Variants in FOXP1 observed in about 807,000 individuals in gnomAD.
FOXP1 encodes forkhead box P1.
Under a neutral mutation model 98.2 loss-of-function variants are expected in FOXP1, and 15 were observed. That is an observed-to-expected ratio of 0.15 (90% CI 0.10 to 0.24). FOXP1 has a LOEUF of 0.24. Among genes scored for constraint, FOXP1 ranks in the 10% least tolerant of loss-of-function variants. The probability of loss-of-function intolerance (pLI) is 1.00; values close to 1 mark genes in which losing one functional copy is unlikely to be tolerated. For synonymous variants in FOXP1, 371 were observed against 314.5 expected (o/e 1.18, Z -1.90); for missense variants, 633 against 848.5 (o/e 0.75, Z 3.15).
intron 6 of FOXP1, among the ~76,000 whole-genome samples, chr3:71,122,019 T>C (rs1052273415): frequency 1.3e-5 from 2 of 152,212 alleles, no homozygotes; most frequent in Admixed American, 6.5e-5. Flanking sequence ...TTCACATCTT[T>C]TCATACCTCA....
intron 5 of FOXP1, among the ~76,000 whole-genome samples, chr3:71,261,182 C>T (rs550117712): frequency 2.0e-5 from 3 of 152,266 alleles, no homozygotes; most frequent in African/African-American, 7.2e-5. Flanking sequence ...TCTCGCAAAG[C>T]TGTCGGATAT....
intron 6 of FOXP1, among the ~76,000 whole-genome samples, chr3:71,148,263 G>C (rs1260022084): frequency 6.6e-6 from 1 of 152,130 alleles, no homozygotes; most frequent in East Asian, 1.9e-4. Flanking sequence ...TGTAATCCCA[G>C]ATACTCAGGA....
intron 12 of FOXP1, among the ~76,000 whole-genome samples, chr3:71,004,223 A>G (rs1316213743): frequency 1.3e-5 from 2 of 152,118 alleles, no homozygotes; most frequent in Non-Finnish European, 2.9e-5. Flanking sequence ...CACGGCTACC[A>G]TACACTGGAT....
intron 3 of FOXP1, among the ~76,000 whole-genome samples, chr3:71,422,895 C>G (rs941695911): frequency 2.6e-5 from 4 of 152,116 alleles, no homozygotes; most frequent in Non-Finnish European, 5.9e-5. Flanking sequence ...CTCACACACC[C>G]CTTCTTTCAT....
At chr3:71,165,746 C>A (rs1344693038) in intron 6 of FOXP1, among the ~76,000 whole-genome samples, 2 of 152,128 alleles carry the variant, frequency 1.3e-5, no homozygotes, top group Non-Finnish European at 2.9e-5. Flanking sequence ...ATCACCCACC[C>A]AGAGGCATCC....
intron 3 of FOXP1, among the ~76,000 whole-genome samples, chr3:71,429,658 T>A (rs1211895914): frequency 6.6e-6 from 1 of 152,138 alleles, no homozygotes; most frequent in Admixed American, 6.5e-5. Flanking sequence ...AAAAACAGAA[T>A]TAACATGTTC....
In FOXP1 at chr3:70,958,205, AAAAAG is replaced by A. The variant is rs549654259; in HGVS notation, c.*1037_*1041del. 1,495 of 441,332 alleles carry A rather than the reference AAAAAG, an allele frequency of 3.4e-3. 13 individuals carry two copies. Among genetic ancestry groups the A allele is most frequent in the South Asian group, 0.018 (846 of 47,250 alleles). The allele number at this position is 441,332 out of a possible 1,614,324, so 27.3% of individuals were successfully genotyped here. The stretch of plus-strand genomic sequence containing the variant: ...TTATTAATGGTTGCTGCAAAAAAAA[AAAAAG>A]AAAAGAAAAGAAAAAAAGAAAATCC... On this transcript the variant is annotated 3_prime_UTR_variant, in exon 21 of 21. Coordinates refer to ENST00000649528, the MANE Select transcript of FOXP1 (RefSeq NM_001349338.3).
At chr3:71,152,243 G>C (rs2060607908) in intron 6 of FOXP1, among the ~76,000 whole-genome samples, 1 of 152,118 alleles carries the variant, frequency 6.6e-6, no homozygotes, top group Non-Finnish European at 1.5e-5. Flanking sequence ...TGCTCTCCCT[G>C]CATGAATTGA....
At chr3:71,526,331 C>G (rs2043379429) in intron 2 of FOXP1, among the ~76,000 whole-genome samples, 1 of 152,154 alleles carries the variant, frequency 6.6e-6, no homozygotes, top group Non-Finnish European at 1.5e-5. Flanking sequence ...AGGCCCAAAT[C>G]TGTGCCTCAG....
chr3:71,386,883 TA>T (rs753792734), intron 3 of FOXP1, among the ~76,000 whole-genome samples: 1 of 152,190 alleles, frequency 6.6e-6, no homozygotes, highest in Non-Finnish European at 1.5e-5. Context: ...TAATATTAAT[TA>T]ATGTTACTGA....
chr3:71,383,647 G>A (rs920327024), intron 3 of FOXP1, among the ~76,000 whole-genome samples: 1 of 152,110 alleles, frequency 6.6e-6, no homozygotes, highest in East Asian at 1.9e-4. Context: ...AAGCAGGGGT[G>A]TCTGTGCACA....
intron 2 of FOXP1, among the ~76,000 whole-genome samples, chr3:71,512,517 C>T (rs896868636): frequency 4.6e-5 from 7 of 152,192 alleles, no homozygotes; most frequent in African/African-American, 1.7e-4. Flanking sequence ...ATTTTTCCCC[C>T]ATCACAACAC....
rs541088181 is a variant in FOXP1 at position 71,532,234 on chromosome 3, G to C, written c.-297-38679C>G. Reference sequence around the variant, plus strand: ...CCCGCCTCAGCCTCCTGAGTAGCTGGAACTACAGATGTGTGCCACCACACC... The same window carrying C: ...CCCGCCTCAGCCTCCTGAGTAGCTGCAACTACAGATGTGTGCCACCACACC... On this transcript the variant is annotated intron_variant, in intron 2 of 20. Coordinates refer to ENST00000649528, the MANE Select transcript of FOXP1 (RefSeq NM_001349338.3). 7.8e-4 allele frequency among the ~76,000 whole-genome samples: 118 copies of C among 152,220 alleles called. 1 individual carries two copies. Among genetic ancestry groups the C allele is most frequent in the African/African-American group, 2.6e-3 (110 of 41,538 alleles).
At chr3:71,462,909 T>C (rs2088290451) in intron 3 of FOXP1, among the ~76,000 whole-genome samples, 1 of 152,202 alleles carries the variant, frequency 6.6e-6, no homozygotes, top group Non-Finnish European at 1.5e-5. Context: ...ACCAATGCTA[T>C]GCCAAAGACA....
chr3:71,562,672 G>T (rs1345844922), intron 2 of FOXP1, among the ~76,000 whole-genome samples: 2 of 152,132 alleles, frequency 1.3e-5, no homozygotes, highest in African/African-American at 4.8e-5. Flanking sequence ...GTAAACTGAG[G>T]CTAAGAAATT....
At chr3:71,298,327 T>C (rs933775780) in intron 5 of FOXP1, among the ~76,000 whole-genome samples, 9 of 152,016 alleles carry the variant, frequency 5.9e-5, no homozygotes, top group African/African-American at 2.2e-4. Context: ...TAGCTGGGTA[T>C]GATGGCGACT....
At chr3:71,531,941 C>T (rs993348115) in intron 2 of FOXP1, among the ~76,000 whole-genome samples, 1 of 152,198 alleles carries the variant, frequency 6.6e-6, no homozygotes, top group South Asian at 2.1e-4. Flanking sequence ...TCTGAAAAAA[C>T]CGAATGTCAT....
chr3:71,314,065 T>C (rs536760890), intron 4 of FOXP1, among the ~76,000 whole-genome samples: 1 of 152,308 alleles, frequency 6.6e-6, no homozygotes, highest in East Asian at 1.9e-4. Flanking sequence ...AGTGCATTAT[T>C]TGCTTTTGTA....
At chr3:71,409,590 G>GAAA (rs113333779) in intron 3 of FOXP1, among the ~76,000 whole-genome samples, 13 of 145,816 alleles carry the variant, frequency 8.9e-5, no homozygotes, top group African/African-American at 2.8e-4. Flanking sequence ...ATTTACTTTG[G>GAAA]AAAAAAAAAA....
Sources: gnomAD v4.1 joint callset for allele counts (sites outside exome capture counted in the v4.1 genomes callset) on GRCh38, gnomAD v4.1.1 for gene constraint, MANE v1.5 for transcripts, NCBI Gene and HGNC (gene_info 2026-07-23, HGNC 2026-07-21) for gene names.